Variants in MCTP2 observed in about 807,000 individuals in gnomAD.
The protein encoded by MCTP2 is multiple C2 and transmembrane domain-containing protein 2.
MCTP2 carries 132 observed loss-of-function variants against 111.6 expected under a neutral mutation model. That is an observed-to-expected ratio of 1.18 (90% confidence interval 1.03 to 1.37). The LOEUF is 1.37. MCTP2 is among the 40% of genes most tolerant of loss of function. The pLI, the probability that MCTP2 is intolerant of heterozygous loss-of-function variation, is 0.00. For synonymous variants in MCTP2, 395 were observed against 387.7 expected (o/e 1.02, Z -0.22); for missense variants, 1,183 against 1,067.9 (o/e 1.11, Z -1.50).
At chr15:94,391,124 T>G (rs150526397) in intron 14 of MCTP2, among the ~76,000 whole-genome samples, 278 of 152,212 alleles carry the variant, frequency 1.8e-3, no homozygotes, top group African/African-American at 6.5e-3. Flanking sequence ...GTCTTTATAC[T>G]GTCCTTCTAA....
chr15:94,328,353 C>A (rs1387893553), intron 4 of MCTP2, among the ~76,000 whole-genome samples: 1 of 152,090 alleles, frequency 6.6e-6, no homozygotes, highest in Non-Finnish European at 1.5e-5. Flanking sequence ...TGGTCTTGAT[C>A]TCCTGACCTC....
intron 19 of MCTP2, among the ~76,000 whole-genome samples, chr15:94,448,058 CTTAA>C (rs2084222954): frequency 6.6e-6 from 1 of 152,200 alleles, no homozygotes; most frequent in South Asian, 2.1e-4. Context: ...CCAGCCAATT[CTTAA>C]TTATCAGTTT....
At chr15:94,474,870 T>TC (rs398119102) in intron 21 of MCTP2, among the ~76,000 whole-genome samples, 2 of 151,798 alleles carry the variant, frequency 1.3e-5, no homozygotes, top group African/African-American at 4.9e-5. Context: ...TTTTTTTTTT[T>TC]CAAACATAGA....
At position 94,244,386 on chromosome 15, in the gene MCTP2, A is replaced by G. The variant is rs566725978; in HGVS notation, c.-66+12722A>G. ...TGTATATATACGTATATGTATACAC[A>G]TAAATATGTATATTTATATTCGTAT... On this transcript the variant is annotated intron_variant, in intron 1 of 22. Coordinates refer to ENST00000357742, the MANE Select transcript of MCTP2 (RefSeq NM_001385001.1). 2.5e-4 allele frequency among the ~76,000 whole-genome samples: 38 copies of G among 149,948 alleles called. 1 individual carries two copies. In the South Asian group the frequency reaches 5.3e-3, roughly 21 times the overall value.
chr15:94,373,943 G>A (rs2079617931), intron 12 of MCTP2, among the ~76,000 whole-genome samples: 3 of 152,208 alleles, frequency 2.0e-5, no homozygotes. Flanking sequence ...GTGAATAGCT[G>A]TGTGTAGTGT....
At chr15:94,470,092 G>A (rs1315766207) in intron 20 of MCTP2, among the ~76,000 whole-genome samples, 1 of 152,128 alleles carries the variant, frequency 6.6e-6, no homozygotes, top group East Asian at 1.9e-4. Context: ...GTTCCAGGGA[G>A]GTAAAGTCAC....
At chr15:94,301,744 A>T (rs982389339) in intron 2 of MCTP2, among the ~76,000 whole-genome samples, 2 of 151,906 alleles carry the variant, frequency 1.3e-5, no homozygotes, top group Non-Finnish European at 2.9e-5. Flanking sequence ...ATTTTATTTT[A>T]TATGATAATT....
intron 8 of MCTP2, among the ~76,000 whole-genome samples, chr15:94,351,086 A>G (rs1322235651): frequency 6.6e-6 from 1 of 152,146 alleles, no homozygotes; most frequent in African/African-American, 2.4e-5. Context: ...TAGCTAATGT[A>G]TTTGTACACA....
At chr15:94,388,326 T>A (rs2080644517) in intron 14 of MCTP2, among the ~76,000 whole-genome samples, 1 of 152,194 alleles carries the variant, frequency 6.6e-6, no homozygotes, top group Non-Finnish European at 1.5e-5. Flanking sequence ...CTGCTGCTGT[T>A]CACTCTGTTT....
intron 8 of MCTP2, among the ~76,000 whole-genome samples, chr15:94,349,920 A>T (rs12591731): frequency 0.16 from 24,072 of 151,972 alleles, 2,154 homozygotes; most frequent in African/African-American, 0.17. Context: ...ATATGGTAAG[A>T]TCTCCAAACT....
chr15:94,404,963 T>C (rs2081829877), intron 17 of MCTP2, among the ~76,000 whole-genome samples: 2 of 152,188 alleles, frequency 1.3e-5, no homozygotes, highest in African/African-American at 4.8e-5. Flanking sequence ...TATTCGTCAT[T>C]GTGACACTTT....
chr15:94,321,748 A>G (rs946088016), intron 4 of MCTP2, among the ~76,000 whole-genome samples: 1 of 152,210 alleles, frequency 6.6e-6, no homozygotes, highest in Admixed American at 6.5e-5. Context: ...AAACCCACAT[A>G]TAACTTTTGA....
intron 2 of MCTP2, among the ~76,000 whole-genome samples, chr15:94,300,858 A>G (rs2075576133): frequency 6.6e-6 from 1 of 152,084 alleles, no homozygotes; most frequent in African/African-American, 2.4e-5. Context: ...CACAGCCTGA[A>G]GTGTGGATGG....
intron 2 of MCTP2, among the ~76,000 whole-genome samples, chr15:94,310,365 G>A (rs1455362990): frequency 6.6e-6 from 1 of 152,092 alleles, no homozygotes; most frequent in Admixed American, 6.5e-5. Flanking sequence ...CATTTTTTTG[G>A]GTGGTAGAAC....
At chr15:94,385,220 T>G (rs1180195806) in intron 13 of MCTP2, among the ~76,000 whole-genome samples, 2 of 152,200 alleles carry the variant, frequency 1.3e-5, no homozygotes, top group Non-Finnish European at 1.5e-5. Context: ...TTGACTTCTT[T>G]TTTTCATATG....
intron 17 of MCTP2, among the ~76,000 whole-genome samples, chr15:94,433,248 G>A (rs1289702243): frequency 1.3e-5 from 2 of 152,136 alleles, no homozygotes; most frequent in African/African-American, 2.4e-5. Context: ...GATTTAGCAT[G>A]TATACATTTT....
chr15:94,470,081 G>A (rs1289121281), intron 20 of MCTP2, among the ~76,000 whole-genome samples: 1 of 152,094 alleles, frequency 6.6e-6, no homozygotes, highest in East Asian at 1.9e-4. Context: ...TGGAACTATG[G>A]GTTCCAGGGA....
intron 12 of MCTP2, among the ~76,000 whole-genome samples, chr15:94,375,385 C>T (rs1051854129): frequency 6.6e-6 from 1 of 152,154 alleles, no homozygotes; most frequent in African/African-American, 2.4e-5. Context: ...CTTCATTTTT[C>T]ATGTTTCCAT....
intron 1 of MCTP2, among the ~76,000 whole-genome samples, chr15:94,243,582 C>A (rs528532223): frequency 2.0e-5 from 3 of 149,070 alleles, no homozygotes; most frequent in Admixed American, 6.7e-5. Context: ...CATACGTATG[C>A]GTATATTTGT....
Sources: allele counts gnomAD v4.1 joint callset (sites outside exome capture counted in the v4.1 genomes callset), GRCh38; gene constraint gnomAD v4.1.1; transcripts MANE v1.5; gene names NCBI Gene and HGNC (gene_info 2026-07-23, HGNC 2026-07-21).